The following SAMD12 variants were observed in gnomAD, a reference collection of about 807,000 sequenced individuals.
SAMD12 encodes sterile alpha motif domain containing 12.
A neutral mutation model predicts 15.0 loss-of-function variants in SAMD12; 9 were observed. The ratio of observed to expected loss-of-function variants is 0.60; its 90% CI spans 0.36 to 1.05. The LOEUF (loss-of-function observed/expected upper bound fraction) is 1.05, where lower values mean the gene tolerates loss of function less well. Ranked by LOEUF, SAMD12 falls within the 50% of genes least tolerant of loss-of-function variation. The pLI is 0.01. For synonymous variants in SAMD12, 86 were observed against 90.1 expected (o/e 0.96, Z 0.25); for missense variants, 230 against 234.2 (o/e 0.98, Z 0.12).
chr8:118,618,680 G>A (rs1012793762), intron 1 of SAMD12, among the ~76,000 whole-genome samples: 4 of 151,480 alleles, frequency 2.6e-5, no homozygotes, highest in Non-Finnish European at 5.9e-5. Context: ...TCTACTAAAA[G>A]TACAAAAAAA....
At chr8:118,355,681 A>G (rs1400768688) in intron 4 of SAMD12, among the ~76,000 whole-genome samples, 2 of 152,194 alleles carry the variant, frequency 1.3e-5, no homozygotes, top group Non-Finnish European at 2.9e-5. Context: ...ATGTACACAG[A>G]AAGAAATTTT....
chr8:118,200,258 T>C (rs1819677207), intron 4 of SAMD12, among the ~76,000 whole-genome samples: 1 of 151,994 alleles, frequency 6.6e-6, no homozygotes, highest in African/African-American at 2.4e-5. Flanking sequence ...TACACCAGAC[T>C]TAGGTGTGTC....
chr8:118,593,971 A>G (rs1827651285), intron 1 of SAMD12, among the ~76,000 whole-genome samples: 1 of 152,164 alleles, frequency 6.6e-6, no homozygotes, highest in Non-Finnish European at 1.5e-5. Context: ...GCGACTTCCT[A>G]TTTAGTTATT....
chr8:118,187,096 G>A (rs557151850), downstream of SAMD12, among the ~76,000 whole-genome samples: 2 of 152,270 alleles, frequency 1.3e-5, no homozygotes, highest in South Asian at 2.1e-4. Flanking sequence ...AGAGATATAT[G>A]ATGGAAAAAT....
At chr8:118,468,371 C>G (rs1823657915) in intron 2 of SAMD12, among the ~76,000 whole-genome samples, 1 of 152,162 alleles carries the variant, frequency 6.6e-6, no homozygotes, top group Non-Finnish European at 1.5e-5. Context: ...CTCCTCTTGG[C>G]AGCAGCATCC....
chr8:118,146,370 G>A, the SAMD12 span, among the ~76,000 whole-genome samples: 8 of 152,146 alleles, frequency 5.3e-5, no homozygotes, highest in African/African-American at 1.9e-4. Context: ...GGTAAAGAAC[G>A]GAGGGCCTTG....
chr8:118,362,318 G>T (rs1261501365), intron 4 of SAMD12, among the ~76,000 whole-genome samples: 1 of 152,050 alleles, frequency 6.6e-6, no homozygotes, highest in African/African-American at 2.4e-5. Context: ...TGTTAGGAGA[G>T]AATTAATTTA....
chr8:118,389,109 T>C (rs960026374), intron 3 of SAMD12, among the ~76,000 whole-genome samples: 8 of 152,172 alleles, frequency 5.3e-5, no homozygotes, highest in African/African-American at 1.4e-4. Flanking sequence ...AGTACTGCCA[T>C]CCCTCTCCAG....
intron 2 of SAMD12, among the ~76,000 whole-genome samples, chr8:118,491,517 T>C (rs1824439990): frequency 6.6e-6 from 1 of 152,168 alleles, no homozygotes; most frequent in South Asian, 2.1e-4. Flanking sequence ...AACGTATAGA[T>C]CCTAAGTGTT....
intron 4 of SAMD12, among the ~76,000 whole-genome samples, chr8:118,205,995 G>GA (rs1167366150): frequency 6.6e-6 from 1 of 152,192 alleles, no homozygotes; most frequent in Non-Finnish European, 1.5e-5. Flanking sequence ...CTGTGAGCCT[G>GA]AAAAACCTCT....
the SAMD12 span, among the ~76,000 whole-genome samples, chr8:118,144,041 G>A: frequency 6.6e-6 from 1 of 152,124 alleles, no homozygotes. Context: ...CCCTCTTCCA[G>A]CTTCTGGTAG....
chr8:118,441,352 TA>T (rs1160127883), intron 2 of SAMD12, among the ~76,000 whole-genome samples: 1 of 151,704 alleles, frequency 6.6e-6, no homozygotes, highest in African/African-American at 2.4e-5. Context: ...CAATTTTTAA[TA>T]AAAAAATAAA....
the SAMD12 span, among the ~76,000 whole-genome samples, chr8:118,138,174 G>T: frequency 2.0e-5 from 3 of 149,646 alleles, no homozygotes; most frequent in Non-Finnish European, 4.5e-5. Flanking sequence ...ATGGGTCTTA[G>T]AATGTGTATC....
chr8:118,205,328 G>A (rs1283679145), intron 4 of SAMD12, among the ~76,000 whole-genome samples: 1 of 152,194 alleles, frequency 6.6e-6, no homozygotes, highest in African/African-American at 2.4e-5. Context: ...ACCTTGAGGA[G>A]CAGAGTCTAC....
chr8:118,402,311 C>A (rs946244917), intron 3 of SAMD12, among the ~76,000 whole-genome samples: 1 of 152,030 alleles, frequency 6.6e-6, no homozygotes, highest in East Asian at 1.9e-4. Flanking sequence ...TGATAAAGTA[C>A]AGAAACTAAA....
intron 4 of SAMD12, among the ~76,000 whole-genome samples, chr8:118,290,607 A>C (rs1000543368): frequency 2.0e-5 from 3 of 152,266 alleles, no homozygotes; most frequent in Admixed American, 6.5e-5. Flanking sequence ...TAACTGAAAG[A>C]GTTAACACTA....
rs955045822 is a variant in SAMD12, at chr8:118,489,581, T to A, written c.193-49620A>T. On this transcript the variant is annotated intron_variant, in intron 2 of 3. Coordinates refer to ENST00000314727, the MANE Select transcript of SAMD12 (RefSeq NM_207506.3). ...AAGATCTCTAGAGAAACCACCTTGA[T>A]AAATTTCTTTCAGTAGCCTGTTCCG... 5.3e-5 allele frequency among the ~76,000 whole-genome samples: 8 copies of A among 152,320 alleles called. No homozygotes were observed. In the East Asian group the frequency reaches 1.5e-3, roughly 29 times the overall value.
At chr8:118,197,406 C>A in exon 5 of SAMD12, 1 of 473,590 alleles carries the variant, frequency 2.1e-6, no homozygotes, top group Middle Eastern at 5.6e-4. Flanking sequence ...CAGACAGCTC[C>A]CCAAAGGGAA....
chr8:118,135,288 T>C, the SAMD12 span, among the ~76,000 whole-genome samples: 1 of 151,732 alleles, frequency 6.6e-6, no homozygotes, highest in Non-Finnish European at 1.5e-5. Flanking sequence ...TTCAAGCATT[T>C]CTCCTGCCTC....
Sources: gnomAD v4.1 joint callset for allele counts (sites outside exome capture counted in the v4.1 genomes callset) on GRCh38, gnomAD v4.1.1 for gene constraint, MANE v1.5 for transcripts, NCBI Gene and HGNC (gene_info 2026-07-23, HGNC 2026-07-21) for gene names.